The following CREB5 variants were observed in gnomAD, a reference collection of about 807,000 sequenced individuals.
The protein encoded by CREB5 is cyclic AMP-responsive element-binding protein 5.
In CREB5, 19 loss-of-function variants were observed where a neutral mutation model predicts 57.1. The observed-to-expected ratio is 0.33, with a 90% confidence interval of 0.23 to 0.49. The LOEUF is 0.49. CREB5 is among the 20% of genes least tolerant of loss of function. The probability of loss-of-function intolerance (pLI) is 0.99; values close to 1 mark genes in which losing one functional copy is unlikely to be tolerated. For missense variants in CREB5, 579 were observed against 671.6 expected, an observed-to-expected ratio of 0.86 and a Z score of 1.52; for synonymous variants, 238 against 238.3, an observed-to-expected ratio of 1.00 and a Z score of 0.01.
chr7:28,733,874 G>A (rs562565888), intron 7 of CREB5, among the ~76,000 whole-genome samples: 17 of 152,316 alleles, frequency 1.1e-4, no homozygotes, highest in African/African-American at 4.1e-4. Flanking sequence ...CCCACACTGT[G>A]AGCTACTTTT....
At chr7:28,369,945 G>A (rs372505945) in intron 1 of CREB5, among the ~76,000 whole-genome samples, 3 of 152,160 alleles carry the variant, frequency 2.0e-5, no homozygotes, top group Non-Finnish European at 4.4e-5. Flanking sequence ...GAATAGGGCC[G>A]TGGTTATCAC....
intron 1 of CREB5, among the ~76,000 whole-genome samples, chr7:28,465,532 C>G (rs1201705158): frequency 1.3e-5 from 2 of 152,136 alleles, no homozygotes; most frequent in Non-Finnish European, 2.9e-5. Context: ...GTTGTTCCAC[C>G]CTGTTCTAAG....
intron 1 of CREB5, among the ~76,000 whole-genome samples, chr7:28,475,558 GAAA>G (rs1785100331): frequency 6.6e-6 from 1 of 152,058 alleles, no homozygotes; most frequent in African/African-American, 2.4e-5. Context: ...ATGTAATAAT[GAAA>G]AGAAGATTTG....
intron 3 of CREB5, among the ~76,000 whole-genome samples, chr7:28,506,069 T>C (rs149352459): frequency 6.6e-6 from 1 of 152,252 alleles, no homozygotes; most frequent in African/African-American, 2.4e-5. Context: ...TGGGAAAAAA[T>C]GCAGATGGGG....
intron 5 of CREB5, among the ~76,000 whole-genome samples, chr7:28,597,953 C>A (rs1455365231): frequency 6.6e-6 from 1 of 152,026 alleles, no homozygotes; most frequent in Non-Finnish European, 1.5e-5. Flanking sequence ...ATATATTTGG[C>A]AAGCTAATGT....
At chr7:28,509,154 A>G (rs1277845343) in intron 4 of CREB5, among the ~76,000 whole-genome samples, 1 of 152,212 alleles carries the variant, frequency 6.6e-6, no homozygotes, top group African/African-American at 2.4e-5. Context: ...CTGGCTTCTT[A>G]AACTGAACTA....
intron 5 of CREB5, among the ~76,000 whole-genome samples, chr7:28,632,861 ACCT>A (rs1249442399): frequency 1.3e-5 from 2 of 151,900 alleles, no homozygotes; most frequent in African/African-American, 2.4e-5. Flanking sequence ...TTTATCATCT[ACCT>A]CCTCCACTAA....
chr7:28,305,192 T>TG (rs1042000233), intron 1 of CREB5, among the ~76,000 whole-genome samples: 1 of 152,222 alleles, frequency 6.6e-6, no homozygotes, highest in Non-Finnish European at 1.5e-5. Flanking sequence ...CCTGTTCTTC[T>TG]GGGGCAGAAC....
At chr7:28,780,246 A>G (rs1164194748) in intron 7 of CREB5, among the ~76,000 whole-genome samples, 1 of 152,180 alleles carries the variant, frequency 6.6e-6, no homozygotes, top group Non-Finnish European at 1.5e-5. Context: ...CCCTTGCACT[A>G]AGGAGACGAA....
At chr7:28,339,533 G>A (rs912269710) in intron 1 of CREB5, among the ~76,000 whole-genome samples, 1 of 152,152 alleles carries the variant, frequency 6.6e-6, no homozygotes, top group African/African-American at 2.4e-5. Context: ...GCAAAAAGGT[G>A]ACATAAACAC....
intron 2 of CREB5, chr7:28,491,193 A>C (rs1431301726): frequency 4.1e-6 from 4 of 985,342 alleles, no homozygotes; most frequent in Non-Finnish European, 4.8e-6. Context: ...AGAAGGAAAC[A>C]GTTTTTTTAA....
chr7:28,714,060 C>T (rs758037029), intron 5 of CREB5, among the ~76,000 whole-genome samples: 1 of 151,020 alleles, frequency 6.6e-6, no homozygotes, highest in Non-Finnish European at 1.5e-5. Context: ...CTCACTGCCA[C>T]CTCCACCTCC....
chr7:28,570,561 C>G, intron 5 of CREB5, 24 bp downstream of exon 5: 2 of 1,607,644 alleles, frequency 1.2e-6, no homozygotes, highest in Non-Finnish European at 1.7e-6. Flanking sequence ...CTTGGCTGCC[C>G]CTGGGTCCTG....
At chr7:28,462,518 G>A (rs927755270) in intron 1 of CREB5, among the ~76,000 whole-genome samples, 1 of 152,108 alleles carries the variant, frequency 6.6e-6, no homozygotes, top group Non-Finnish European at 1.5e-5. Flanking sequence ...TCAAGTGGCT[G>A]CCCCGTTTTA....
intron 7 of CREB5, among the ~76,000 whole-genome samples, chr7:28,758,848 G>A (rs1805488165): frequency 6.6e-6 from 1 of 152,168 alleles, no homozygotes; most frequent in South Asian, 2.1e-4. Flanking sequence ...TATCAATATG[G>A]CCTTTCACAG....
Position 28,822,702 on chromosome 7 carries a change from T to TAAATGGAGTTAAATGGAGTTAAATG in CREB5, c.*3423_*3424insAAATGGAGTTAAATGGAGTTAAATG. ...GAGAGCATTTCTATCAGGTAAACTG[T>TAAATGGAGTTAAATGGAGTTAAATG]CACTTAAATGGAGGTGTCCACATCT... On this transcript the variant is annotated 3_prime_UTR_variant, in exon 11 of 11. Coordinates refer to ENST00000357727, the MANE Select transcript of CREB5 (RefSeq NM_182898.4). 2 of 152,666 alleles carry TAAATGGAGTTAAATGGAGTTAAATG rather than the reference T, an allele frequency of 1.3e-5. No homozygotes were observed. The highest frequency in any genetic ancestry group is 2.9e-5 in the Non-Finnish European group (2 of 68,052). The allele number at this position is 152,666 out of a possible 1,614,324, so 9.5% of individuals were successfully genotyped here. A position where few individuals can be genotyped will look rare whatever the true frequency, so the allele number is the denominator to read the frequency against.
At chr7:28,542,592 G>A (rs927332020) in intron 4 of CREB5, among the ~76,000 whole-genome samples, 1 of 152,120 alleles carries the variant, frequency 6.6e-6, no homozygotes, top group Non-Finnish European at 1.5e-5. Context: ...GTGTGAGTGT[G>A]TGTGTGACCC....
At chr7:28,667,334 A>G (rs1035767137) in intron 5 of CREB5, among the ~76,000 whole-genome samples, 4 of 151,192 alleles carry the variant, frequency 2.6e-5, no homozygotes, top group African/African-American at 9.8e-5. Flanking sequence ...GTTTGGGGCA[A>G]TTAAAATGCT....
intron 1 of CREB5, among the ~76,000 whole-genome samples, chr7:28,406,703 T>C (rs1355942550): frequency 6.6e-6 from 1 of 152,094 alleles, no homozygotes; most frequent in Non-Finnish European, 1.5e-5. Context: ...GCATAGCTGC[T>C]CTCAGCAACT....
Sources: allele counts gnomAD v4.1 joint callset (sites outside exome capture counted in the v4.1 genomes callset), GRCh38; gene constraint gnomAD v4.1.1; transcripts MANE v1.5; gene names NCBI Gene and HGNC (gene_info 2026-07-23, HGNC 2026-07-21).